Variants in GPC5 observed in about 807,000 individuals in gnomAD.
GPC5 encodes the protein glypican 5.
A neutral mutation model predicts 53.9 loss-of-function variants in GPC5; 47 were observed. The observed-to-expected ratio is 0.87, with a 90% CI of 0.69 to 1.11. The LOEUF (loss-of-function observed/expected upper bound fraction) is 1.11. Among genes scored for constraint, GPC5 ranks in the 50% most tolerant of loss-of-function variants. GPC5 has a pLI of 0.00. For missense variants in GPC5, 748 were observed against 713.1 expected (o/e 1.05, Z -0.56); for synonymous variants, 286 against 263.3 (o/e 1.09, Z -0.84).
Position 91,405,295 on chromosome 13 carries a change from A to T in GPC5, c.163+6086A>T, listed in dbSNP as rs765301135. Among the ~76,000 whole-genome samples, 23 of 152,180 alleles carry T rather than the reference A, an allele frequency of 1.5e-4. 1 individual carries two copies. The South Asian group carries it at 1.9e-3, about 12-fold the overall frequency. ...TGTAGAATGTTCAGAAGCATCTCTC[A>T]CCTCCATCCACTAGATACCAATAGC... On this transcript the variant is annotated intron_variant, in intron 1 of 7. Coordinates refer to ENST00000377067, the MANE Select transcript of GPC5 (RefSeq NM_004466.6).
At chr13:91,914,430 T>C (rs1396785179) in intron 6 of GPC5, among the ~76,000 whole-genome samples, 7 of 152,140 alleles carry the variant, frequency 4.6e-5, no homozygotes, top group Non-Finnish European at 2.9e-5. Context: ...TTCATTTTTA[T>C]AGAGACCCAA....
rs1168943212 is a variant in GPC5, at chr13:91,817,227, G to C, written c.1280+60807G>C. 2.6e-5 allele frequency among the ~76,000 whole-genome samples: 4 copies of C among 152,064 alleles called. No homozygotes were observed. The East Asian group carries it at 7.7e-4, about 29-fold the overall frequency. On this transcript the variant is annotated intron_variant, in intron 5 of 7. Coordinates refer to ENST00000377067, the MANE Select transcript of GPC5 (RefSeq NM_004466.6). Reference sequence around the variant, plus strand: ...TTTCGACAGGAATTCGAATTCTTTTGGATTATAAATGCATGGATTGCCCAG... The same window carrying C: ...TTTCGACAGGAATTCGAATTCTTTTCGATTATAAATGCATGGATTGCCCAG...
At chr13:92,196,638 C>G (rs1327104094) in intron 7 of GPC5, among the ~76,000 whole-genome samples, 1 of 152,184 alleles carries the variant, frequency 6.6e-6, no homozygotes, top group East Asian at 1.9e-4. Context: ...CCTCTGTTCA[C>G]AATCCAAAGG....
intron 7 of GPC5, among the ~76,000 whole-genome samples, chr13:92,761,095 A>G (rs1249078740): frequency 6.6e-6 from 1 of 152,154 alleles, no homozygotes; most frequent in Admixed American, 6.6e-5. Context: ...TTTTATGTGC[A>G]CTAAAGAAGA....
intron 6 of GPC5, among the ~76,000 whole-genome samples, chr13:91,940,853 G>T (rs936073662): frequency 1.3e-4 from 20 of 151,588 alleles, no homozygotes; most frequent in Admixed American, 1.1e-3. Context: ...TTTGTTTTTT[G>T]CTTGTTTATT....
intron 7 of GPC5, among the ~76,000 whole-genome samples, chr13:92,474,412 A>G (rs1299521218): frequency 6.6e-6 from 1 of 152,002 alleles, no homozygotes; most frequent in African/African-American, 2.4e-5. Flanking sequence ...GGCCATTTGC[A>G]TTTATTTCAG....
At chr13:91,587,100 T>G (rs909500692) in intron 2 of GPC5, among the ~76,000 whole-genome samples, 1 of 152,138 alleles carries the variant, frequency 6.6e-6, no homozygotes, top group Non-Finnish European at 1.5e-5. Flanking sequence ...GTCTAGTTAT[T>G]GGTAACTCCA....
At chr13:92,546,324 G>A (rs1882109852) in intron 7 of GPC5, among the ~76,000 whole-genome samples, 1 of 152,026 alleles carries the variant, frequency 6.6e-6, no homozygotes, top group Admixed American at 6.6e-5. Context: ...AAAGTCTCAG[G>A]ATAAAAAAAT....
intron 7 of GPC5, among the ~76,000 whole-genome samples, chr13:92,170,420 C>CTTTTTTTTTTTTTT (rs61418155): frequency 1.5e-4 from 11 of 75,262 alleles, no homozygotes; most frequent in African/African-American, 2.6e-4. Flanking sequence ...CTTTTCTTTG[C>CTTTTTTTTTTTTTT]TTTTTTTTTT....
At chr13:91,669,505 C>T (rs1473667348) in intron 2 of GPC5, among the ~76,000 whole-genome samples, 1 of 152,170 alleles carries the variant, frequency 6.6e-6, no homozygotes, top group Non-Finnish European at 1.5e-5. Flanking sequence ...TGTTAATTAA[C>T]ATATCCTCCA....
At chr13:91,884,753 T>G (rs2039304219) in intron 5 of GPC5, among the ~76,000 whole-genome samples, 1 of 152,184 alleles carries the variant, frequency 6.6e-6, no homozygotes, top group South Asian at 2.1e-4. Flanking sequence ...ACCGTCAAGT[T>G]AGAAGTGCTC....
intron 7 of GPC5, among the ~76,000 whole-genome samples, chr13:92,822,182 G>T (rs1261713658): frequency 6.6e-6 from 1 of 152,016 alleles, no homozygotes; most frequent in East Asian, 1.9e-4. Context: ...GGAAAAGTTA[G>T]ATACTAATTG....
chr13:91,426,268 G>T (rs114910989), intron 1 of GPC5, among the ~76,000 whole-genome samples: 3,174 of 152,046 alleles, frequency 0.021, 60 homozygotes, highest in South Asian at 0.041. Context: ...CCCGTCACAG[G>T]CCTGGAGTCC....
intron 2 of GPC5, among the ~76,000 whole-genome samples, chr13:91,539,651 T>A (rs9556099): frequency 0.69 from 105,117 of 151,974 alleles, 37,555 homozygotes; most frequent in East Asian, 0.99. Context: ...ATGTGTCAGC[T>A]GAGAGTGAAG....
At chr13:91,659,878 T>C (rs2034943175) in intron 2 of GPC5, among the ~76,000 whole-genome samples, 1 of 152,168 alleles carries the variant, frequency 6.6e-6, no homozygotes, top group South Asian at 2.1e-4. Context: ...TGGAAATAGA[T>C]GAAGACTACC....
chr13:92,621,906 C>T (rs1884881764), intron 7 of GPC5, among the ~76,000 whole-genome samples: 1 of 151,976 alleles, frequency 6.6e-6, no homozygotes, highest in Admixed American at 6.6e-5. Flanking sequence ...GGTCCAAGTC[C>T]CTACATATTA....
chr13:92,276,599 C>G (rs2042877585), intron 7 of GPC5, among the ~76,000 whole-genome samples: 1 of 151,992 alleles, frequency 6.6e-6, no homozygotes, highest in East Asian at 1.9e-4. Flanking sequence ...TTCATGAGTG[C>G]TAGCTTTATT....
intron 2 of GPC5, among the ~76,000 whole-genome samples, chr13:91,537,176 A>G (rs1038666268): frequency 2.6e-5 from 4 of 152,180 alleles, no homozygotes; most frequent in Non-Finnish European, 5.9e-5. Context: ...GTACAGAAGA[A>G]AAGACGTAAT....
intron 7 of GPC5, among the ~76,000 whole-genome samples, chr13:92,206,282 A>T (rs550466988): frequency 6.7e-6 from 1 of 148,512 alleles, no homozygotes; most frequent in South Asian, 2.1e-4. Flanking sequence ...CTCCTGCCTC[A>T]GCCTCCCGAG....
Sources: gnomAD v4.1 joint callset for allele counts (sites outside exome capture counted in the v4.1 genomes callset) on GRCh38, gnomAD v4.1.1 for gene constraint, MANE v1.5 for transcripts, NCBI Gene and HGNC (gene_info 2026-07-23, HGNC 2026-07-21) for gene names.